PALM2AKAP2: variants seen among roughly 807,000 people sequenced by gnomAD.
PALM2AKAP2 encodes PALM2-AKAP2 fusion protein.
In PALM2AKAP2, 37 loss-of-function variants were observed where a neutral mutation model predicts 71.5. That is an observed-to-expected ratio of 0.52 (90% CI 0.40 to 0.68). The LOEUF (loss-of-function observed/expected upper bound fraction) is 0.68. Ranked by LOEUF, PALM2AKAP2 falls within the 30% of genes least tolerant of loss-of-function variation. The pLI is 0.00. For synonymous variants in PALM2AKAP2, 468 were observed against 478.8 expected, an observed-to-expected ratio of 0.98 and a Z score of 0.29; for missense variants, 1,224 against 1,191.8, an observed-to-expected ratio of 1.03 and a Z score of -0.40.
At chr9:109,998,612 C>G (rs1291237620) in intron 6 of PALM2AKAP2, among the ~76,000 whole-genome samples, 2 of 120,760 alleles carry the variant, frequency 1.7e-5, no homozygotes, top group South Asian at 5.1e-4. Context: ...TAATATGGTA[C>G]TTTCTGACCA....
At chr9:109,932,559 G>A (rs998414690) in intron 6 of PALM2AKAP2, among the ~76,000 whole-genome samples, 3 of 152,166 alleles carry the variant, frequency 2.0e-5, no homozygotes, top group South Asian at 2.1e-4. Context: ...GCAATTTAAA[G>A]CACACATGTT....
intron 1 of PALM2AKAP2, among the ~76,000 whole-genome samples, chr9:110,086,919 A>G (rs2118749610): frequency 6.6e-6 from 1 of 152,310 alleles, no homozygotes; most frequent in South Asian, 2.1e-4. Context: ...TAGGTGGTCA[A>G]TGATTTGACC....
At chr9:110,155,336 C>T (rs1463671831) in intron 2 of PALM2AKAP2, among the ~76,000 whole-genome samples, 1 of 152,162 alleles carries the variant, frequency 6.6e-6, no homozygotes, top group Admixed American at 6.5e-5. Flanking sequence ...CCGCATCAAC[C>T]ACAAAGGGCA....
intron 1 of PALM2AKAP2, among the ~76,000 whole-genome samples, chr9:109,651,391 C>T (rs1038824851): frequency 6.6e-6 from 1 of 152,190 alleles, no homozygotes; most frequent in African/African-American, 2.4e-5. Context: ...GGCGATGGCT[C>T]CCTTATCACT....
intron 1 of PALM2AKAP2, among the ~76,000 whole-genome samples, chr9:109,828,211 G>A (rs1041910644): frequency 1.3e-5 from 2 of 152,202 alleles, no homozygotes; most frequent in Middle Eastern, 3.4e-3. Flanking sequence ...AGGCATCTAG[G>A]TTTGTTTCTT....
intron 1 of PALM2AKAP2, among the ~76,000 whole-genome samples, chr9:110,107,659 C>A (rs934183896): frequency 6.6e-6 from 1 of 152,162 alleles, no homozygotes; most frequent in Non-Finnish European, 1.5e-5. Context: ...TTCCTCCTCC[C>A]GGGTTCAAGC....
chr9:109,726,800 T>C (rs79694875), intron 1 of PALM2AKAP2, among the ~76,000 whole-genome samples: 6,140 of 152,338 alleles, frequency 0.04, 187 homozygotes, highest in Non-Finnish European at 0.053. Flanking sequence ...TGCATGGCTA[T>C]TCAAATTTAA....
intron 1 of PALM2AKAP2, chr9:109,641,009 T>C: frequency 1.6e-6 from 2 of 1,238,416 alleles, no homozygotes; most frequent in Non-Finnish European, 2.1e-6. Context: ...GGTGTTTCTA[T>C]AGCAGCCGCC....
chr9:109,975,800 T>G (rs1444092082), intron 6 of PALM2AKAP2, among the ~76,000 whole-genome samples: 1 of 152,172 alleles, frequency 6.6e-6, no homozygotes, highest in South Asian at 2.1e-4. Context: ...TTGCTAACTC[T>G]GACACAAATG....
At chr9:109,876,354 T>C (rs1362197064) in intron 2 of PALM2AKAP2, among the ~76,000 whole-genome samples, 1 of 152,194 alleles carries the variant, frequency 6.6e-6, no homozygotes, top group Non-Finnish European at 1.5e-5. Flanking sequence ...TGATTTCCCC[T>C]GAAAGCATGA....
chr9:110,087,549 C>G (rs1254678174), intron 1 of PALM2AKAP2, among the ~76,000 whole-genome samples: 1 of 152,166 alleles, frequency 6.6e-6, no homozygotes, highest in Non-Finnish European at 1.5e-5. Context: ...CCTTCAGTTC[C>G]TTGTCATTTG....
chr9:110,061,848 A>G (rs1833971876), intron 1 of PALM2AKAP2, among the ~76,000 whole-genome samples: 1 of 146,796 alleles, frequency 6.8e-6, no homozygotes, highest in African/African-American at 2.7e-5. Context: ...AAATATTATT[A>G]TAATTTTTTG....
intron 7 of PALM2AKAP2, chr9:110,025,060 G>A (rs1253033588): frequency 8.8e-6 from 10 of 1,137,028 alleles, no homozygotes; most frequent in Admixed American, 6.8e-5. Context: ...AAGCTATCTC[G>A]GCTCAGAGTG....
chr9:110,165,211 G>A (rs945615717), intron 3 of PALM2AKAP2, among the ~76,000 whole-genome samples: 1 of 149,698 alleles, frequency 6.7e-6, no homozygotes, highest in Non-Finnish European at 1.5e-5. Context: ...AGAAAATAAA[G>A]GAATGAACTT....
At chr9:109,948,690 A>G (rs1831567099) in intron 6 of PALM2AKAP2, among the ~76,000 whole-genome samples, 1 of 152,236 alleles carries the variant, frequency 6.6e-6, no homozygotes, top group African/African-American at 2.4e-5. Flanking sequence ...CAAAAAATAA[A>G]AATAAAAAGT....
chr9:109,941,054 C>A (rs1221079171), intron 6 of PALM2AKAP2, among the ~76,000 whole-genome samples: 2 of 151,608 alleles, frequency 1.3e-5, no homozygotes, highest in Admixed American at 1.3e-4. Context: ...TCTTTCCTTC[C>A]CCCATCTTTT....
intron 6 of PALM2AKAP2, among the ~76,000 whole-genome samples, chr9:109,969,697 G>C (rs574747960): frequency 6.6e-6 from 1 of 152,316 alleles, no homozygotes; most frequent in Non-Finnish European, 1.5e-5. Context: ...GCCAAGCTTG[G>C]AGACAGGAGC....
At chr9:110,081,323 G>A (rs943861463) in intron 1 of PALM2AKAP2, among the ~76,000 whole-genome samples, 2 of 152,204 alleles carry the variant, frequency 1.3e-5, no homozygotes, top group Non-Finnish European at 1.5e-5. Flanking sequence ...ACTCGCACCA[G>A]AGCATTTCAT....
At chr9:110,068,388 GT>G (rs903164176) in intron 1 of PALM2AKAP2, among the ~76,000 whole-genome samples, 1 of 149,564 alleles carries the variant, frequency 6.7e-6, no homozygotes, top group Non-Finnish European at 1.5e-5. Context: ...AATGGATTTG[GT>G]AACACAGCAT....
Sources: gnomAD v4.1 joint callset for allele counts (sites outside exome capture counted in the v4.1 genomes callset) on GRCh38, gnomAD v4.1.1 for gene constraint, MANE v1.5 for transcripts, NCBI Gene and HGNC (gene_info 2026-07-23, HGNC 2026-07-21) for gene names.